Variants in CD8B observed in about 807,000 individuals in gnomAD.
The protein encoded by CD8B is CD8 subunit beta.
In CD8B, 6 loss-of-function variants were observed where a neutral mutation model predicts 24.2. The observed-to-expected ratio is 0.25, with a 90% CI of 0.14 to 0.49. The LOEUF (loss-of-function observed/expected upper bound fraction) is 0.49, where lower values mean the gene tolerates loss of function less well. Among genes scored for constraint, CD8B ranks in the 20% least tolerant of loss-of-function variants. CD8B has a pLI of 0.98. For missense variants in CD8B, 196 were observed against 271.3 expected (o/e 0.72, Z 1.95); for synonymous variants, 84 against 108.3 (o/e 0.78, Z 1.39).
rs1178267209 is a variant in CD8B at position 86,839,343 on chromosome 2, C to T, written c.*2964G>A. 1.3e-5 allele frequency among the ~76,000 whole-genome samples: 2 copies of T among 152,200 alleles called. No individual in the cohort carries two copies. Among genetic ancestry groups the T allele is most frequent in the Non-Finnish European group, 2.9e-5 (2 of 68,032 alleles). On this transcript the variant is annotated 3_prime_UTR_variant, in exon 6 of 6. Transcript: ENST00000390655. The stretch of plus-strand genomic sequence containing the variant: ...TTTCCCATTTTTAGCTAGTAAGCAA[C>T]ACTAGAAGGAACAATCTGATGCGTA...
chr2:86,830,146 C>T (rs1674850904), intron 5 of CD8B, among the ~76,000 whole-genome samples: 2 of 152,264 alleles, frequency 1.3e-5, no homozygotes, highest in Non-Finnish European at 2.9e-5. Context: ...ACACTGCAGC[C>T]TCAGCCTCCT....
downstream of CD8B, among the ~76,000 whole-genome samples, chr2:86,834,777 A>G: frequency 6.6e-6 from 1 of 152,038 alleles, no homozygotes; most frequent in Non-Finnish European, 1.5e-5. Flanking sequence ...TCTACTAAAA[A>G]ATACAAAAAT....
chr2:86,824,569 C>T (rs566157745), intron 5 of CD8B, among the ~76,000 whole-genome samples: 1 of 152,186 alleles, frequency 6.6e-6, no homozygotes, highest in Non-Finnish European at 1.5e-5. Context: ...ACCTGCAACC[C>T]ATTCCCTTCC....
rs199976123 is a variant in CD8B at position 86,853,101 on chromosome 2, C to T, written c.404-15G>A. 9.3e-3 allele frequency: 14,315 copies of T among 1,543,176 alleles called. 89 individuals carry two copies. The highest frequency in any genetic ancestry group is 0.01 in the Non-Finnish European group (11,756 of 1,141,326). On this transcript the variant is annotated splice_polypyrimidine_tract_variant and intron_variant, in intron 2 of 5. Transcript: ENST00000390655. ...AAGGAAATCAACTACAGAAAGAAAG[C>T]AAGACACATATCTTAGCCAAGTGAA...
At chr2:86,818,441 A>G (rs1004767477) in intron 5 of CD8B, among the ~76,000 whole-genome samples, 3 of 152,192 alleles carry the variant, frequency 2.0e-5, no homozygotes, top group Admixed American at 6.5e-5. Context: ...TTTCAATAGC[A>G]TGTGTTGACT....
intron 3 of CD8B, among the ~76,000 whole-genome samples, chr2:86,847,505 C>A (rs1675743873): frequency 6.6e-6 from 1 of 152,190 alleles, no homozygotes; most frequent in Non-Finnish European, 1.5e-5. Context: ...CTTTCTCTTT[C>A]CATGCCTATG....
downstream of CD8B, among the ~76,000 whole-genome samples, chr2:86,837,464 A>G (rs1675221598): frequency 6.6e-6 from 1 of 152,080 alleles, no homozygotes; most frequent in African/African-American, 2.4e-5. Flanking sequence ...AGTGACTCAC[A>G]GTTCCCCGGG....
intron 5 of CD8B, among the ~76,000 whole-genome samples, chr2:86,817,552 A>C (rs1010637193): frequency 1.3e-5 from 2 of 152,210 alleles, no homozygotes; most frequent in East Asian, 3.8e-4. Context: ...CATTATTTAT[A>C]AAAAATAAAA....
chr2:86,836,163 G>A (rs1444430954), downstream of CD8B, among the ~76,000 whole-genome samples: 2 of 152,152 alleles, frequency 1.3e-5, no homozygotes, highest in African/African-American at 4.8e-5. Flanking sequence ...GTGCTGGGAG[G>A]GGCAGTGGAG....
intron 5 of CD8B, among the ~76,000 whole-genome samples, chr2:86,816,421 G>T (rs1325630225): frequency 6.6e-6 from 1 of 152,204 alleles, no homozygotes; most frequent in Non-Finnish European, 1.5e-5. Flanking sequence ...TTGCTCACAA[G>T]CTGATTATCA....
At chr2:86,823,406 A>G (rs1188074563) in intron 5 of CD8B, among the ~76,000 whole-genome samples, 1 of 151,972 alleles carries the variant, frequency 6.6e-6, no homozygotes, top group Non-Finnish European at 1.5e-5. Flanking sequence ...CAGACTCCCG[A>G]GTATTTGGGA....
intron 5 of CD8B, chr2:86,821,839 C>T (rs1213838048): frequency 3.1e-6 from 1 of 324,866 alleles, no homozygotes; most frequent in African/African-American, 2.2e-5. Context: ...TTCCTCCACC[C>T]TTCTCTTCCC....
rs11558603 is a variant in CD8B at position 86,858,309 on chromosome 2, G to A, written c.151C>T (p.Arg51Cys). Residue 51 changes from arginine (R) to cysteine (C), a missense_variant, in exon 2 of 6, where the codon CGC becomes TGC. Arg to Cys is a radical substitution (Grantham distance 180). Coordinates refer to ENST00000390655, the MANE Select transcript of CD8B (RefSeq NM_004931.5). Reference protein sequence around the residue: ...CEAKISLSNMRIYWLRQRQAP... With the variant: ...CEAKISLSNMCIYWLRQRQAP... ...TGGCGCTGTCTCAGCCAGTAGATGC[G>A]CATGTTACTGAGGGAGATTTTAGCC... 14 of 1,613,858 alleles carry A rather than the reference G, an allele frequency of 8.7e-6. No individual in the cohort carries two copies. The highest frequency in any genetic ancestry group is 3.3e-4 in the Middle Eastern group (2 of 6,078).
chr2:86,825,551 G>A (rs995711425), intron 5 of CD8B, among the ~76,000 whole-genome samples: 25 of 152,248 alleles, frequency 1.6e-4, no homozygotes, highest in African/African-American at 5.5e-4. Flanking sequence ...ATCAGACAAC[G>A]GCTGCCCTGG....
intron 5 of CD8B, among the ~76,000 whole-genome samples, chr2:86,823,141 C>G (rs1042860186): frequency 4.6e-5 from 7 of 152,146 alleles, no homozygotes; most frequent in African/African-American, 1.7e-4. Flanking sequence ...TTCCCCCTCC[C>G]CCAGTTCCAG....
chr2:86,858,311 A>G lies in CD8B; in HGVS notation c.149T>C (p.Met50Thr). ...SCEAKISLSN[M>T]RIYWLRQRQA... Reference sequence around the variant, plus strand: ...GCGCTGTCTCAGCCAGTAGATGCGCATGTTACTGAGGGAGATTTTAGCCTC... The same window carrying G: ...GCGCTGTCTCAGCCAGTAGATGCGCGTGTTACTGAGGGAGATTTTAGCCTC... Residue 50 changes from methionine (M) to threonine (T), a missense_variant, in exon 2 of 6, where the codon ATG becomes ACG. Transcript: ENST00000390655. 7 of 1,613,942 alleles carry G rather than the reference A, an allele frequency of 4.3e-6. No individual in the cohort carries two copies. Among genetic ancestry groups the G allele is most frequent in the Non-Finnish European group, 5.1e-6 (6 of 1,179,860 alleles).
downstream of CD8B, among the ~76,000 whole-genome samples, chr2:86,836,991 A>C (rs1394892095): frequency 5.3e-5 from 8 of 152,132 alleles, no homozygotes; most frequent in Non-Finnish European, 1.0e-4. Context: ...CCCCATCTCT[A>C]CCAGAAATAT....
Position 86,840,236 on chromosome 2 carries a change from G to A in CD8B, c.*2071C>T, listed in dbSNP as rs1165732730. The stretch of plus-strand genomic sequence containing the variant: ...GAATGAAGGAGAAACACCTACGTCT[G>A]GGGGCAGGGAATCTGAGGCCAATTT... On this transcript the variant is annotated 3_prime_UTR_variant, in exon 6 of 6. Transcript: ENST00000390655. Among the ~76,000 whole-genome samples the A allele has an allele frequency of 6.6e-6, 1 of 151,644 alleles. No homozygotes were observed. Among genetic ancestry groups the A allele is most frequent in the Non-Finnish European group, 1.5e-5 (1 of 67,946 alleles).
downstream of CD8B, among the ~76,000 whole-genome samples, chr2:86,833,692 T>G (rs1333774667): frequency 6.8e-4 from 91 of 133,078 alleles, no homozygotes; most frequent in African/African-American, 2.4e-3. Flanking sequence ...GACAGAGCCT[T>G]GCTCTGTTGC....
Sources: gnomAD v4.1 joint callset for allele counts (sites outside exome capture counted in the v4.1 genomes callset) on GRCh38, gnomAD v4.1.1 for gene constraint, MANE v1.5 for transcripts, NCBI Gene and HGNC (gene_info 2026-07-23, HGNC 2026-07-21) for gene names.